Variants in AOPEP observed in about 807,000 individuals in gnomAD.
The protein encoded by AOPEP is aminopeptidase O (putative).
In AOPEP, 77 loss-of-function variants were observed where a neutral mutation model predicts 98.1. The ratio of observed to expected loss-of-function variants is 0.78; its 90% CI spans 0.65 to 0.95. The LOEUF (loss-of-function observed/expected upper bound fraction) is 0.95. AOPEP is among the 40% of genes least tolerant of loss of function. The pLI, the probability that AOPEP is intolerant of heterozygous loss-of-function variation, is 0.00. For synonymous variants in AOPEP, 346 were observed against 365.3 expected, an observed-to-expected ratio of 0.95 and a Z score of 0.60; for missense variants, 1,024 against 1,024.7, an observed-to-expected ratio of 1.00 and a Z score of 0.01.
At chr9:94,792,989 T>C in intron 4 of AOPEP, 71 bp downstream of exon 4, 1 of 1,467,148 alleles carries the variant, frequency 6.8e-7, no homozygotes, top group Non-Finnish European at 9.2e-7. Context: ...ATGCATTTCT[T>C]CCAAGCACTG....
Position 95,073,264 on chromosome 9 carries a change from C to T in AOPEP, c.2233-7430C>T, listed in dbSNP as rs560880707. On this transcript the variant is annotated intron_variant, in intron 14 of 16. Transcript: ENST00000375315. The stretch of plus-strand genomic sequence containing the variant: ...GCCCTCCCTGCATGTTGACGCTCTT[C>T]TAACCCCCATCTTGGGGAGCTGGAG... Among the ~76,000 whole-genome samples the T allele has an allele frequency of 3.9e-5, 6 of 152,316 alleles. No homozygotes were observed. In the South Asian group the frequency reaches 1.2e-3, roughly 32 times the overall value.
chr9:95,025,846 A>G (rs1367221179), intron 13 of AOPEP, among the ~76,000 whole-genome samples: 1 of 152,142 alleles, frequency 6.6e-6, no homozygotes, highest in Non-Finnish European at 1.5e-5. Flanking sequence ...GGCAGTGGTC[A>G]TGATCATCAC....
intron 5 of AOPEP, among the ~76,000 whole-genome samples, chr9:94,842,912 A>C (rs2042440002): frequency 6.6e-6 from 1 of 152,108 alleles, no homozygotes; most frequent in Non-Finnish European, 1.5e-5. Context: ...GATTTCTGTG[A>C]CTGTTTTCAA....
chr9:94,838,935 T>G (rs2041949324), intron 5 of AOPEP, among the ~76,000 whole-genome samples: 1 of 118,778 alleles, frequency 8.4e-6, no homozygotes, highest in Admixed American at 1.1e-4. Flanking sequence ...TTTTTTGAGA[T>G]GGAATCTCAC....
intron 14 of AOPEP, among the ~76,000 whole-genome samples, chr9:95,063,917 CA>C (rs35040077): frequency 0.78 from 115,375 of 146,990 alleles, 46,217 homozygotes; most frequent in Non-Finnish European, 0.89. Context: ...AAGGCAGTTT[CA>C]AAAAAAAAAA....
At chr9:94,832,859 AG>A (rs879449229) in intron 5 of AOPEP, among the ~76,000 whole-genome samples, 1 of 144,266 alleles carries the variant, frequency 6.9e-6, no homozygotes, top group South Asian at 2.3e-4. Context: ...AGTAGAAGAA[AG>A]CGGGGGAAAA....
intron 11 of AOPEP, among the ~76,000 whole-genome samples, chr9:94,987,626 T>A (rs995639167): frequency 6.6e-6 from 1 of 152,174 alleles, no homozygotes; most frequent in Non-Finnish European, 1.5e-5. Flanking sequence ...CCTGCAACAA[T>A]CTAACCAAGG....
intron 13 of AOPEP, among the ~76,000 whole-genome samples, chr9:95,007,660 CAT>C (rs2062139994): frequency 6.6e-6 from 1 of 152,170 alleles, no homozygotes; most frequent in South Asian, 2.1e-4. Context: ...ATTTCAGAGT[CAT>C]ATCAGAGAAT....
intron 5 of AOPEP, among the ~76,000 whole-genome samples, chr9:94,823,741 C>CA (rs1853807408): frequency 6.6e-6 from 1 of 152,160 alleles, no homozygotes; most frequent in South Asian, 2.1e-4. Flanking sequence ...GAGAATTCGT[C>CA]AGAGTTTTAC....
intron 5 of AOPEP, among the ~76,000 whole-genome samples, chr9:94,878,767 A>C (rs1043332335): frequency 1.1e-4 from 17 of 152,200 alleles, no homozygotes; most frequent in African/African-American, 3.9e-4. Context: ...TGCCAATTTC[A>C]GTTTTAAGAT....
intron 13 of AOPEP, among the ~76,000 whole-genome samples, chr9:95,051,870 A>AT (rs1344253191): frequency 6.6e-6 from 1 of 151,934 alleles, no homozygotes; most frequent in Non-Finnish European, 1.5e-5. Context: ...CACCCGGCTC[A>AT]TTTTTTGTAT....
intron 5 of AOPEP, among the ~76,000 whole-genome samples, chr9:94,852,807 A>C (rs2043718716): frequency 1.3e-5 from 2 of 152,270 alleles, no homozygotes; most frequent in African/African-American, 4.8e-5. Context: ...ATATATGCCA[A>C]AAAGAGTGTT....
intron 5 of AOPEP, among the ~76,000 whole-genome samples, chr9:94,850,139 G>A (rs1217746123): frequency 2.0e-5 from 3 of 152,058 alleles, no homozygotes; most frequent in African/African-American, 7.2e-5. Context: ...TGTGCAGCCT[G>A]GTTCTTAACA....
the AOPEP span, among the ~76,000 whole-genome samples, chr9:95,141,985 G>T: frequency 5.3e-3 from 440 of 83,234 alleles, 3 homozygotes; most frequent in South Asian, 0.013. Context: ...AGTTTGTGGG[G>T]TTTTTTTTTT....
chr9:95,095,651 T>C, the AOPEP span, among the ~76,000 whole-genome samples: 3 of 152,342 alleles, frequency 2.0e-5, no homozygotes, highest in East Asian at 5.8e-4. Flanking sequence ...GGGTTCCCTG[T>C]GGCAGACACA....
chr9:94,934,334 T>TTTTTTTTTTTTG (rs1156808051), intron 7 of AOPEP, among the ~76,000 whole-genome samples: 4 of 147,936 alleles, frequency 2.7e-5, no homozygotes, highest in East Asian at 2.0e-4. Flanking sequence ...TTTTTTTTTT[T>TTTTTTTTTTTTG]GAGACAGAGT....
At position 94,760,364 on chromosome 9, in the gene AOPEP, T is replaced by G; in HGVS notation, c.581T>G (p.Leu194Trp). Residue 194 changes from leucine to tryptophan, a missense_variant, in exon 2 of 17, where the codon TTG becomes TGG. Coordinates refer to ENST00000375315, the MANE Select transcript of AOPEP (RefSeq NM_001193329.3). ...RNQIVRELVTLPANRWREQLD... is the reference protein window; with the variant it reads ...RNQIVRELVTWPANRWREQLD... ...CAGATTGTACGTGAACTTGTGACTT[T>G]GCCTGCAAATCGTTGGAGGGAGCAG... is the stretch of plus-strand genomic sequence containing the variant. 1 of 1,614,194 alleles carries G rather than the reference T, an allele frequency of 6.2e-7. No individual in the cohort carries two copies. Among genetic ancestry groups the G allele is most frequent in the African/African-American group, 1.3e-5 (1 of 75,050 alleles).
chr9:94,939,433 G>A (rs1014826393), intron 7 of AOPEP, among the ~76,000 whole-genome samples: 1 of 152,116 alleles, frequency 6.6e-6, no homozygotes, highest in Non-Finnish European at 1.5e-5. Context: ...ATCCTGCCTC[G>A]TGTTAGGGAG....
intron 7 of AOPEP, among the ~76,000 whole-genome samples, chr9:94,942,970 A>C (rs759405471): frequency 6.6e-6 from 1 of 151,924 alleles, no homozygotes; most frequent in Non-Finnish European, 1.5e-5. Context: ...CTGATTCAAA[A>C]CGGATCAAAA....
Sources: gnomAD v4.1 joint callset for allele counts (sites outside exome capture counted in the v4.1 genomes callset) on GRCh38, gnomAD v4.1.1 for gene constraint, MANE v1.5 for transcripts, NCBI Gene and HGNC (gene_info 2026-07-23, HGNC 2026-07-21) for gene names.